Variants in WWC2 observed in about 807,000 individuals in gnomAD.
WWC2 encodes the protein protein WWC2.
Under a neutral mutation model 138.5 loss-of-function variants are expected in WWC2, and 101 were observed. The observed-to-expected ratio is 0.73, with a 90% CI of 0.62 to 0.86. The LOEUF is 0.86. WWC2 is among the 40% of genes least tolerant of loss of function. The pLI is 0.00. For synonymous variants in WWC2, 558 were observed against 538.4 expected (o/e 1.04, Z -0.50); for missense variants, 1,420 against 1,419.4 (o/e 1.00, Z -0.01).
intron 1 of WWC2, among the ~76,000 whole-genome samples, chr4:183,164,350 AT>A: frequency 0.022 from 4 of 178 alleles, no homozygotes; most frequent in Non-Finnish European, 0.042. Context: ...TATATATATT[AT>A]ATATACATAT....
At chr4:183,310,019 C>T (rs1222771055) in intron 21 of WWC2, among the ~76,000 whole-genome samples, 1 of 152,174 alleles carries the variant, frequency 6.6e-6, no homozygotes. Flanking sequence ...AAAAAGAAAA[C>T]TGCAGAGCCA....
intron 1 of WWC2, among the ~76,000 whole-genome samples, chr4:183,186,842 C>T (rs1734820314): frequency 6.6e-6 from 1 of 152,038 alleles, no homozygotes. Context: ...AAAACTCATG[C>T]CAGCTGTAGG....
At chr4:183,212,917 A>G (rs757159600) in intron 4 of WWC2, among the ~76,000 whole-genome samples, 4 of 152,120 alleles carry the variant, frequency 2.6e-5, no homozygotes, top group Non-Finnish European at 4.4e-5. Context: ...TATAATATAT[A>G]TAATATTTAT....
intron 21 of WWC2, among the ~76,000 whole-genome samples, chr4:183,306,445 G>A (rs986202114): frequency 2.0e-5 from 3 of 152,088 alleles, no homozygotes; most frequent in Non-Finnish European, 4.4e-5. Flanking sequence ...CTAATCAAAC[G>A]AAAGTGGGAG....
At chr4:183,276,859 G>A (rs919311340) in intron 16 of WWC2, among the ~76,000 whole-genome samples, 13 of 152,040 alleles carry the variant, frequency 8.6e-5, no homozygotes, top group Non-Finnish European at 1.5e-4. Context: ...TAGGTCTGCC[G>A]TTATTTCTTT....
chr4:183,254,204 C>G (rs1177415378), intron 9 of WWC2, among the ~76,000 whole-genome samples: 3 of 152,170 alleles, frequency 2.0e-5, no homozygotes, highest in African/African-American at 7.2e-5. Context: ...CGTGCAAAAC[C>G]TGTGACAGAT....
Position 183,099,370 on chromosome 4 carries a change from G to T in WWC2, c.-122G>T, listed in dbSNP as rs1445366525. On this transcript the variant is annotated 5_prime_UTR_variant, in exon 1 of 23. Transcript: ENST00000403733. The stretch of plus-strand genomic sequence containing the variant: ...GGTTCCGCCGCGCCCCGCGCCCTGC[G>T]CCCCTCAGCCCCTCGCCGGCGCCCG... 2 of 1,036,252 alleles carry T rather than the reference G, an allele frequency of 1.9e-6. No individual in the cohort carries two copies. Among genetic ancestry groups the T allele is most frequent in the South Asian group, 4.7e-5 (1 of 21,348 alleles). The allele number at this position is 1,036,252 out of a possible 1,614,324, so 64.2% of individuals were successfully genotyped here. A position where few individuals can be genotyped will look rare whatever the true frequency, so the allele number is the denominator to read the frequency against.
chr4:183,189,723 T>A (rs894346396), intron 1 of WWC2, among the ~76,000 whole-genome samples: 4 of 152,220 alleles, frequency 2.6e-5, no homozygotes, highest in Non-Finnish European at 5.9e-5. Context: ...AGACTTTTAA[T>A]GTGTGTGCTA....
chr4:183,223,947 T>G (rs1413220798), intron 4 of WWC2, among the ~76,000 whole-genome samples: 1 of 152,132 alleles, frequency 6.6e-6, no homozygotes, highest in East Asian at 1.9e-4. Flanking sequence ...GCCAGGCTGG[T>G]CTCGAACTCC....
rs570058031 is a variant in WWC2, at chr4:183,311,872, C to T, written c.3385-469C>T. Among the ~76,000 whole-genome samples, 58 of 152,048 alleles carry T rather than the reference C, an allele frequency of 3.8e-4. No individual in the cohort carries two copies. In the South Asian group the frequency reaches 8.9e-3, roughly 23 times the overall value. On this transcript the variant is annotated intron_variant, in intron 21 of 22. Transcript: ENST00000403733. ...GATTACAGGAGTGAGCCACCGCACCCGGCATGTGCAGGTTTTTTGATTGGT... is the reference window on the plus strand; with the variant it reads ...GATTACAGGAGTGAGCCACCGCACCTGGCATGTGCAGGTTTTTTGATTGGT...
chr4:183,260,946 C>A lies in WWC2; in HGVS notation c.1323C>A (p.Ser441Arg), dbSNP rs1265872995. ...GCACCCTGTCCATGTCATCTGGGAG[C>A]AGCCTGGGTTCCCTGGCATCGAGTC... Reference protein sequence around the residue: ...SASTLSMSSGSSLGSLASSRG... With the variant: ...SASTLSMSSGRSLGSLASSRG... The change falls in exon 11 of 23, where the codon AGC becomes AGA. Residue 441 changes from serine (S) to arginine (R), a missense_variant. Transcript: ENST00000403733. 1 of 1,613,762 alleles carries A rather than the reference C, an allele frequency of 6.2e-7. No homozygotes were observed. Among genetic ancestry groups the A allele is most frequent in the African/African-American group, 1.3e-5 (1 of 74,934 alleles).
intron 1 of WWC2, among the ~76,000 whole-genome samples, chr4:183,184,196 G>A (rs1734728293): frequency 6.6e-6 from 1 of 152,064 alleles, no homozygotes; most frequent in Admixed American, 6.5e-5. Context: ...ATGCGTTTGT[G>A]AACTAGCTAT....
In WWC2 at chr4:183,130,586, C is replaced by T. The variant is rs115920281; in HGVS notation, c.131+30964C>T. On this transcript the variant is annotated intron_variant, in intron 1 of 22. Transcript: ENST00000403733. ...CTTGACAGCAACTCTAAGAGGTAGA[C>T]GTGACTATTTCCATTTTTTAAAGAG... Among the ~76,000 whole-genome samples, 576 of 152,236 alleles carry T rather than the reference C, an allele frequency of 3.8e-3. 5 individuals carry two copies. Among genetic ancestry groups the T allele is most frequent in the African/African-American group, 0.013 (543 of 41,530 alleles).
intron 21 of WWC2, among the ~76,000 whole-genome samples, chr4:183,296,891 A>AGGTG (rs1738646847): frequency 1.5e-5 from 2 of 133,208 alleles, no homozygotes; most frequent in South Asian, 5.2e-4. Flanking sequence ...CCGAGATCGC[A>AGGTG]CCACTGCACT....
intron 1 of WWC2, among the ~76,000 whole-genome samples, chr4:183,160,373 C>G (rs192985974): frequency 6.6e-6 from 1 of 151,982 alleles, no homozygotes; most frequent in Non-Finnish European, 1.5e-5. Context: ...GATAAATGCT[C>G]GAAGTGAAAT....
At chr4:183,273,532 G>A (rs556770828) in intron 16 of WWC2, among the ~76,000 whole-genome samples, 3 of 152,206 alleles carry the variant, frequency 2.0e-5, no homozygotes, top group East Asian at 3.9e-4. Context: ...TCAAACTCCC[G>A]ACCTCAGGTG....
At chr4:183,134,117 A>T (rs978907133) in intron 1 of WWC2, among the ~76,000 whole-genome samples, 1 of 152,150 alleles carries the variant, frequency 6.6e-6, no homozygotes, top group African/African-American at 2.4e-5. Context: ...ATGTATGATT[A>T]ATCTATATAA....
chr4:183,211,645 T>C (rs1170088398), intron 4 of WWC2, among the ~76,000 whole-genome samples: 4 of 152,174 alleles, frequency 2.6e-5, no homozygotes, highest in African/African-American at 9.7e-5. Flanking sequence ...CGATAGATGC[T>C]GAACTTCACG....
intron 2 of WWC2, 24 bp from the exon 3 acceptor site, chr4:183,207,929 G>A: frequency 6.4e-7 from 1 of 1,573,838 alleles, no homozygotes; most frequent in Non-Finnish European, 8.6e-7. Context: ...ATTCTAAAAA[G>A]TACCCTCCAC....
Sources: gnomAD v4.1 joint callset for allele counts (sites outside exome capture counted in the v4.1 genomes callset) on GRCh38, gnomAD v4.1.1 for gene constraint, MANE v1.5 for transcripts, NCBI Gene and HGNC (gene_info 2026-07-23, HGNC 2026-07-21) for gene names.